NAALADL2: variants seen among roughly 807,000 people sequenced by gnomAD.
NAALADL2 encodes N-acetylated alpha-linked acidic dipeptidase like 2.
A neutral mutation model predicts 87.2 loss-of-function variants in NAALADL2; 76 were observed. That is an observed-to-expected ratio of 0.87 (90% confidence interval 0.72 to 1.05). The LOEUF is 1.05. Ranked by LOEUF, NAALADL2 falls within the 50% of genes least tolerant of loss-of-function variation. The pLI, the probability that NAALADL2 is intolerant of heterozygous loss-of-function variation, is 0.00. For synonymous variants in NAALADL2, 354 were observed against 331.0 expected (o/e 1.07, Z -0.75); for missense variants, 1,089 against 945.8 (o/e 1.15, Z -1.99).
intron 4 of NAALADL2, among the ~76,000 whole-genome samples, chr3:175,258,231 C>A (rs1750359699): frequency 6.6e-6 from 1 of 150,984 alleles, no homozygotes; most frequent in Non-Finnish European, 1.5e-5. Flanking sequence ...TCGCTTGAAC[C>A]CGGGAGGCAG....
intron 2 of NAALADL2, among the ~76,000 whole-genome samples, chr3:174,640,188 TCGGCTCC>T (rs1257422651): frequency 2.0e-5 from 3 of 152,364 alleles, no homozygotes; most frequent in African/African-American, 7.2e-5. Flanking sequence ...GAGCTGCAGC[TCGGCTCC>T]CAGACTAATG....
At position 175,471,746 on chromosome 3, in the gene NAALADL2, A is replaced by G. The variant is rs754276736; in HGVS notation, c.1641A>G (p.Gln547=). 3 of 1,607,876 alleles carry G rather than the reference A, an allele frequency of 1.9e-6. No individual in the cohort carries two copies. The African/African-American group carries it at 4.0e-5, about 22-fold the overall frequency. The stretch of plus-strand genomic sequence containing the variant: ...CTGTAGCATCACCATCTCTTCAGCA[A>G]CTGGTAGTAGAGGTAAGACAAACCA... ...LYPVASPSLQ[Q]LVVEKNNFNC... is the part of the protein sequence containing the mutation. Residue 547 remains glutamine, a synonymous_variant, in exon 9 of 14, where the codon CAA becomes CAG. Coordinates refer to ENST00000454872, the MANE Select transcript of NAALADL2 (RefSeq NM_207015.3).
At chr3:174,837,027 T>C (rs1164469490) in intron 3 of NAALADL2, among the ~76,000 whole-genome samples, 4 of 152,108 alleles carry the variant, frequency 2.6e-5, no homozygotes, top group Non-Finnish European at 5.9e-5. Flanking sequence ...TTCATAGCCC[T>C]AAATGCCTAC....
chr3:175,567,250 T>C (rs1263780157), intron 9 of NAALADL2, among the ~76,000 whole-genome samples: 2 of 152,156 alleles, frequency 1.3e-5, no homozygotes, highest in East Asian at 3.9e-4. Flanking sequence ...CTTGTGACTA[T>C]TGGTGAGGGA....
At chr3:175,105,554 A>T (rs1329575614) in intron 2 of NAALADL2, among the ~76,000 whole-genome samples, 1 of 111,204 alleles carries the variant, frequency 9.0e-6, no homozygotes, top group Non-Finnish European at 1.7e-5. Context: ...ATATAGATTT[A>T]TATATATTTA....
intron 9 of NAALADL2, among the ~76,000 whole-genome samples, chr3:175,495,870 C>T (rs1481630499): frequency 6.6e-6 from 1 of 151,902 alleles, no homozygotes; most frequent in African/African-American, 2.4e-5. Context: ...TTTTATGTTA[C>T]TTTCAGTCAC....
intron 13 of NAALADL2, among the ~76,000 whole-genome samples, chr3:175,766,829 C>T (rs1748755209): frequency 6.6e-6 from 1 of 151,984 alleles, no homozygotes; most frequent in Non-Finnish European, 1.5e-5. Flanking sequence ...ATGAAATGCT[C>T]AGGAATCATT....
intron 2 of NAALADL2, among the ~76,000 whole-genome samples, chr3:175,232,631 T>G (rs1377101415): frequency 6.6e-6 from 1 of 152,172 alleles, no homozygotes; most frequent in African/African-American, 2.4e-5. Context: ...GAATTTGCAT[T>G]GGCCCACATT....
chr3:174,692,443 C>T (rs1461987643), intron 2 of NAALADL2, among the ~76,000 whole-genome samples: 1 of 152,054 alleles, frequency 6.6e-6, no homozygotes, highest in Non-Finnish European at 1.5e-5. Flanking sequence ...ATAAATATTT[C>T]CATTTTATTA....
intron 10 of NAALADL2, among the ~76,000 whole-genome samples, chr3:175,579,748 T>G (rs1719475792): frequency 6.6e-6 from 1 of 152,202 alleles, no homozygotes; most frequent in African/African-American, 2.4e-5. Context: ...TGCTTTCTGA[T>G]TAAGAGTGCA....
intron 2 of NAALADL2, among the ~76,000 whole-genome samples, chr3:174,676,055 C>G (rs112239882): frequency 6.6e-6 from 1 of 151,998 alleles, no homozygotes; most frequent in Non-Finnish European, 1.5e-5. Flanking sequence ...AGAAAATTGT[C>G]ATCTAATTAT....
At chr3:175,427,245 A>G (rs567103052) in intron 5 of NAALADL2, among the ~76,000 whole-genome samples, 1 of 152,322 alleles carries the variant, frequency 6.6e-6, no homozygotes, top group African/African-American at 2.4e-5. Context: ...AACAGAAGAA[A>G]GGAATAGATG....
intron 1 of NAALADL2, among the ~76,000 whole-genome samples, chr3:174,957,827 A>G (rs1276910592): frequency 6.6e-6 from 1 of 151,988 alleles, no homozygotes; most frequent in Non-Finnish European, 1.5e-5. Context: ...GTGTGTCTAA[A>G]TTAGATCAGA....
At chr3:175,226,478 G>T (rs925862882) in intron 2 of NAALADL2, among the ~76,000 whole-genome samples, 3 of 152,034 alleles carry the variant, frequency 2.0e-5, no homozygotes, top group Admixed American at 2.0e-4. Context: ...GAAACTAGCT[G>T]CTTTTTCTAA....
At chr3:174,694,019 T>C (rs1232710018) in intron 2 of NAALADL2, among the ~76,000 whole-genome samples, 1 of 152,184 alleles carries the variant, frequency 6.6e-6, no homozygotes, top group African/African-American at 2.4e-5. Flanking sequence ...TCTTTTCTAC[T>C]AGTGTCTTTC....
intron 4 of NAALADL2, 97 bp downstream of exon 4, chr3:175,256,627 A>T (rs1749993977): frequency 2.5e-6 from 3 of 1,189,946 alleles, no homozygotes; most frequent in Non-Finnish European, 3.5e-6. Flanking sequence ...GTGTGTGCAT[A>T]TAGGTGTGTG....
intron 1 of NAALADL2, among the ~76,000 whole-genome samples, chr3:175,019,417 C>T (rs1388717932): frequency 2.0e-5 from 3 of 152,048 alleles, no homozygotes; most frequent in Non-Finnish European, 4.4e-5. Flanking sequence ...CTATTCATAG[C>T]GGAACTATAA....
At chr3:174,717,802 A>AATTCACT (rs1731335389) in intron 2 of NAALADL2, among the ~76,000 whole-genome samples, 1 of 152,082 alleles carries the variant, frequency 6.6e-6, no homozygotes, top group African/African-American at 2.4e-5. Flanking sequence ...ATATATGTGC[A>AATTCACT]ATTCACTTTT....
chr3:175,418,026 G>T (rs1714973182), intron 5 of NAALADL2, among the ~76,000 whole-genome samples: 1 of 152,060 alleles, frequency 6.6e-6, no homozygotes, highest in Non-Finnish European at 1.5e-5. Flanking sequence ...AGTAGGAGAT[G>T]AGGAGAGATA....
Sources: gnomAD v4.1 joint callset for allele counts (sites outside exome capture counted in the v4.1 genomes callset) on GRCh38, gnomAD v4.1.1 for gene constraint, MANE v1.5 for transcripts, NCBI Gene and HGNC (gene_info 2026-07-23, HGNC 2026-07-21) for gene names.